Variants in LRRC7 observed in about 807,000 individuals in gnomAD.
LRRC7 encodes leucine rich repeat containing 7, also known as leucine-rich repeat-containing protein 7.
LRRC7 carries 23 observed loss-of-function variants against 175.7 expected under a neutral mutation model. That is an observed-to-expected ratio of 0.13 (90% CI 0.09 to 0.19). The LOEUF (loss-of-function observed/expected upper bound fraction) is 0.19, where lower values mean the gene tolerates loss of function less well. LRRC7 is among the 10% of genes least tolerant of loss of function. The pLI is 1.00. For missense variants in LRRC7, 1,354 were observed against 1,904.7 expected (o/e 0.71, Z 5.38); for synonymous variants, 685 against 680.9 (o/e 1.01, Z -0.09).
At chr1:69,795,108 G>A (rs1024632616) in intron 4 of LRRC7, among the ~76,000 whole-genome samples, 11 of 152,266 alleles carry the variant, frequency 7.2e-5, no homozygotes, top group African/African-American at 1.7e-4. Context: ...ACTGCCTGGC[G>A]CAGTGACTCA....
At chr1:69,770,713 A>T (rs1032588837) in intron 3 of LRRC7, among the ~76,000 whole-genome samples, 1 of 152,230 alleles carries the variant, frequency 6.6e-6, no homozygotes. Flanking sequence ...TTAAAATTTC[A>T]TGTTAACACT....
chr1:69,811,377 C>G (rs1303176400), intron 4 of LRRC7, among the ~76,000 whole-genome samples: 1 of 152,134 alleles, frequency 6.6e-6, no homozygotes. Flanking sequence ...CCTCAAGCAT[C>G]TAAAACCAGA....
At chr1:69,716,086 T>A (rs1665316741) in intron 2 of LRRC7, 1 of 409,128 alleles carries the variant, frequency 2.4e-6, no homozygotes, top group Non-Finnish European at 4.5e-6. Flanking sequence ...TAGATGCATT[T>A]GTCAATTTAT....
At chr1:70,068,823 C>A (rs2102107611) in intron 23 of LRRC7, among the ~76,000 whole-genome samples, 1 of 152,196 alleles carries the variant, frequency 6.6e-6, no homozygotes, top group Non-Finnish European at 1.5e-5. Context: ...CTCAATGATC[C>A]TCCTACCTCA....
intron 20 of LRRC7, among the ~76,000 whole-genome samples, chr1:70,037,109 A>G (rs776887316): frequency 3.3e-5 from 5 of 152,162 alleles, no homozygotes; most frequent in Non-Finnish European, 5.9e-5. Flanking sequence ...CCTCCTCTAT[A>G]TTACTCTAAT....
intron 8 of LRRC7, among the ~76,000 whole-genome samples, chr1:69,977,377 A>G (rs930126583): frequency 6.6e-6 from 1 of 152,226 alleles, no homozygotes; most frequent in African/African-American, 2.4e-5. Context: ...AAAAAAAAGA[A>G]ATACAAGCTT....
At position 70,122,005 on chromosome 1, in the gene LRRC7, T is replaced by TATA; in HGVS notation, c.*122_*124dup. ...CAATGGCAAACATTAGTGCCAAATG[T>TATA]ATAATACTATATGTTAGCACTGACC... is the stretch of plus-strand genomic sequence containing the variant. On this transcript the variant is annotated 3_prime_UTR_variant, in exon 27 of 27. Transcript: ENST00000651989. The TATA allele has an allele frequency of 1.5e-6, 1 of 673,810 alleles. No individual in the cohort carries two copies. The highest frequency in any genetic ancestry group is 2.7e-6 in the Non-Finnish European group (1 of 374,726). The allele number at this position is 673,810 out of a possible 1,614,324, so 41.7% of individuals were successfully genotyped here.
At position 69,608,862 on chromosome 1, in the gene LRRC7, CTCTCTATATATATATATA is replaced by C. The variant is rs1167161239; in HGVS notation, c.2+40223_2+40240del. Among the ~76,000 whole-genome samples, 14 of 22,144 alleles carry C rather than the reference CTCTCTATATATATATATA, an allele frequency of 6.3e-4. No individual in the cohort carries two copies. The East Asian group carries it at 8.5e-3, about 13-fold the overall frequency. The allele number at this position is 22,144 out of a possible 152,430, so 14.5% of individuals were successfully genotyped here. On this transcript the variant is annotated intron_variant, in intron 1 of 26. Transcript: ENST00000651989. Reference sequence around the variant, plus strand: ...TCTCTCTCTCTCTCTCTCTCTCTCTCTCTCTATATATATATATATATATATATATATATATATACACAC... The same window carrying C: ...TCTCTCTCTCTCTCTCTCTCTCTCTCTATATATATATATATATATACACAC...
chr1:69,665,932 C>G (rs1399447372), intron 1 of LRRC7, among the ~76,000 whole-genome samples: 1 of 151,798 alleles, frequency 6.6e-6, no homozygotes, highest in Non-Finnish European at 1.5e-5. Context: ...CAGGTTTTCC[C>G]CATTAAGTAT....
At chr1:69,732,852 T>C (rs1334941491) in intron 2 of LRRC7, among the ~76,000 whole-genome samples, 9 of 152,170 alleles carry the variant, frequency 5.9e-5, no homozygotes, top group Admixed American at 3.3e-4. Flanking sequence ...TTTAACACCA[T>C]AGATATAAAG....
intron 1 of LRRC7, among the ~76,000 whole-genome samples, chr1:69,614,083 C>T (rs1040356407): frequency 6.6e-6 from 1 of 151,400 alleles, no homozygotes; most frequent in Non-Finnish European, 1.5e-5. Flanking sequence ...CATAAAGTTT[C>T]AGACATTTGT....
chr1:69,575,136 A>G (rs1557656421), intron 1 of LRRC7, among the ~76,000 whole-genome samples: 1 of 152,140 alleles, frequency 6.6e-6, no homozygotes, highest in Non-Finnish European at 1.5e-5. Context: ...TTTTATAAAA[A>G]GAAGAAACTG....
intron 2 of LRRC7, among the ~76,000 whole-genome samples, chr1:69,696,247 G>T (rs1277763663): frequency 6.6e-6 from 1 of 152,178 alleles, no homozygotes; most frequent in Non-Finnish European, 1.5e-5. Context: ...TGGAGTCAAA[G>T]ATTATTTTGG....
intron 8 of LRRC7, among the ~76,000 whole-genome samples, chr1:69,977,801 A>G (rs1044138202): frequency 2.0e-5 from 3 of 152,210 alleles, no homozygotes; most frequent in African/African-American, 7.2e-5. Flanking sequence ...CGCATGCTGG[A>G]CATACAGTAG....
intron 2 of LRRC7, among the ~76,000 whole-genome samples, chr1:69,726,630 G>T (rs1017212080): frequency 1.3e-5 from 2 of 152,092 alleles, no homozygotes; most frequent in Non-Finnish European, 2.9e-5. Flanking sequence ...TTACCATGAA[G>T]ATCGTAACTA....
chr1:70,114,990 C>T (rs1381232712), intron 26 of LRRC7, among the ~76,000 whole-genome samples: 2 of 152,098 alleles, frequency 1.3e-5, no homozygotes, highest in Non-Finnish European at 2.9e-5. Context: ...CTATTACTGA[C>T]AGATGTTCGA....
chr1:69,910,626 C>T (rs1646493968), intron 7 of LRRC7, among the ~76,000 whole-genome samples: 1 of 152,160 alleles, frequency 6.6e-6, no homozygotes, highest in Non-Finnish European at 1.5e-5. Context: ...GAGGTGCCTC[C>T]CAGTTAGGCT....
At chr1:70,104,723 C>T (rs1665028750) in intron 25 of LRRC7, among the ~76,000 whole-genome samples, 1 of 152,074 alleles carries the variant, frequency 6.6e-6, no homozygotes, top group African/African-American at 2.4e-5. Flanking sequence ...AGGTTGAATC[C>T]TCCAGAGCTA....
chr1:69,713,116 A>G (rs1179776458), intron 2 of LRRC7, among the ~76,000 whole-genome samples: 1 of 152,204 alleles, frequency 6.6e-6, no homozygotes, highest in East Asian at 1.9e-4. Context: ...TTTTAGGCAT[A>G]TAATTTTACC....
Sources: allele counts gnomAD v4.1 joint callset (sites outside exome capture counted in the v4.1 genomes callset), GRCh38; gene constraint gnomAD v4.1.1; transcripts MANE v1.5; gene names NCBI Gene and HGNC (gene_info 2026-07-23, HGNC 2026-07-21).